The following ERCC8 variants were observed in gnomAD, a reference collection of about 807,000 sequenced individuals.
ERCC8 encodes ERCC excision repair 8, CSA ubiquitin ligase complex subunit.
Under a neutral mutation model 54.9 loss-of-function variants are expected in ERCC8, and 52 were observed. The ratio of observed to expected loss-of-function variants is 0.95; its 90% CI spans 0.76 to 1.19. ERCC8 has a LOEUF of 1.19. Ranked by LOEUF, ERCC8 falls within the 50% of genes most tolerant of loss-of-function variation. The pLI, the probability that ERCC8 is intolerant of heterozygous loss-of-function variation, is 0.00. For synonymous variants in ERCC8, 146 were observed against 157.2 expected (o/e 0.93, Z 0.53); for missense variants, 514 against 466.1 (o/e 1.10, Z -0.95).
At chr5:60,878,962 G>C (rs1288848219) in intron 11 of ERCC8, among the ~76,000 whole-genome samples, 1 of 151,996 alleles carries the variant, frequency 6.6e-6, no homozygotes, top group Non-Finnish European at 1.5e-5. Flanking sequence ...TGTGATGTTA[G>C]GGTGTCCATT....
chr5:60,931,729 T>A (rs1301192307), intron 1 of ERCC8, among the ~76,000 whole-genome samples: 3 of 152,202 alleles, frequency 2.0e-5, no homozygotes, highest in African/African-American at 7.2e-5. Flanking sequence ...TCTGAAAATA[T>A]TTTTCCATAT....
intron 4 of ERCC8, among the ~76,000 whole-genome samples, chr5:60,916,003 C>T (rs967215790): frequency 6.6e-6 from 1 of 152,008 alleles, no homozygotes; most frequent in African/African-American, 2.4e-5. Context: ...TTTCCTAGGC[C>T]CCCTTCTACT....
At chr5:60,884,834 AAAGGT>A (rs1468671220) in intron 11 of ERCC8, among the ~76,000 whole-genome samples, 1 of 152,124 alleles carries the variant, frequency 6.6e-6, no homozygotes, top group African/African-American at 2.4e-5. Context: ...TGACATTTTA[AAAGGT>A]AAGGTTTTAT....
intron 11 of ERCC8, 27 bp downstream of exon 11, chr5:60,887,413 T>G: frequency 6.6e-7 from 1 of 1,513,684 alleles, no homozygotes. Context: ...TAGAAGTCAC[T>G]GTACCATTTG....
intron 2 of ERCC8, among the ~76,000 whole-genome samples, chr5:60,923,457 C>A (rs539514331): frequency 2.6e-5 from 4 of 151,970 alleles, no homozygotes; most frequent in African/African-American, 9.6e-5. Context: ...ATCTTTAAAT[C>A]TGGAGTTGTT....
intron 11 of ERCC8, 80 bp downstream of exon 11, chr5:60,887,360 A>C: frequency 1.7e-6 from 2 of 1,202,220 alleles, no homozygotes; most frequent in Non-Finnish European, 2.5e-6. Flanking sequence ...ATGCTTTAAA[A>C]GTCTCTCTCA....
At chr5:60,884,475 C>CA (rs71606647) in intron 11 of ERCC8, among the ~76,000 whole-genome samples, 1,343 of 70,796 alleles carry the variant, frequency 0.019, 51 homozygotes, top group African/African-American at 0.065. Context: ...GACTCCTTCT[C>CA]AAAAAAAAAA....
intron 10 of ERCC8, among the ~76,000 whole-genome samples, chr5:60,890,471 C>T (rs538652236): frequency 2.6e-5 from 4 of 152,270 alleles, no homozygotes; most frequent in African/African-American, 9.6e-5. Flanking sequence ...AACTTCAAAA[C>T]CTCCCTTTAC....
intron 1 of ERCC8, among the ~76,000 whole-genome samples, chr5:60,936,368 C>T (rs1183433943): frequency 6.6e-6 from 1 of 152,026 alleles, no homozygotes. Context: ...GTAATATCTC[C>T]CATTTTGTTT....
chr5:60,928,106 C>T (rs747901558), intron 2 of ERCC8, among the ~76,000 whole-genome samples: 1 of 152,096 alleles, frequency 6.6e-6, no homozygotes, highest in Non-Finnish European at 1.5e-5. Flanking sequence ...CTATATGTGG[C>T]CTAATTGTAG....
intron 5 of ERCC8, among the ~76,000 whole-genome samples, chr5:60,904,160 TAA>T (rs1239917701): frequency 1.2e-4 from 18 of 152,108 alleles, no homozygotes; most frequent in African/African-American, 3.4e-4. Context: ...TTTTCCAAGT[TAA>T]TGATATACTT....
In ERCC8 at chr5:60,867,929, C is replaced by T. The variant is rs1747786994; in HGVS notation, c.*6686G>A. On this transcript the variant is annotated 3_prime_UTR_variant, in exon 12 of 12. Coordinates refer to ENST00000676185, the MANE Select transcript of ERCC8 (RefSeq NM_000082.4). ...GCCGCGGTGGCTCATGCCTGTAATC[C>T]CTGCACTTTGGGAGGTCAAGGCGGG... is the stretch of plus-strand genomic sequence containing the variant. 6.6e-6 allele frequency among the ~76,000 whole-genome samples: 1 copy of T among 152,154 alleles called. No homozygotes were observed. Among genetic ancestry groups the T allele is most frequent in the Admixed American group, 6.6e-5 (1 of 15,266 alleles).
At chr5:60,883,029 T>C (rs909701544) in intron 11 of ERCC8, among the ~76,000 whole-genome samples, 2 of 150,494 alleles carry the variant, frequency 1.3e-5, no homozygotes, top group Non-Finnish European at 3.0e-5. Flanking sequence ...ATAAGCCACA[T>C]GAGGGCCATG....
chr5:60,929,932 A>T (rs1749858728), intron 1 of ERCC8, among the ~76,000 whole-genome samples: 1 of 152,224 alleles, frequency 6.6e-6, no homozygotes, highest in South Asian at 2.1e-4. Context: ...TTAAATATCA[A>T]ATTATAAATT....
intron 11 of ERCC8, among the ~76,000 whole-genome samples, chr5:60,884,209 G>A (rs1465675633): frequency 2.0e-5 from 3 of 152,142 alleles, no homozygotes; most frequent in Admixed American, 1.3e-4. Flanking sequence ...GCTGAGGGTG[G>A]TGGCTCAAGC....
intron 3 of ERCC8, among the ~76,000 whole-genome samples, chr5:60,918,948 T>C (rs1480873434): frequency 6.6e-6 from 1 of 151,966 alleles, no homozygotes; most frequent in East Asian, 1.9e-4. Context: ...CTCTATGACG[T>C]CAGCTACAAT....
At chr5:60,938,071 A>T (rs1580051425) in intron 1 of ERCC8, among the ~76,000 whole-genome samples, 1 of 70,208 alleles carries the variant, frequency 1.4e-5, no homozygotes, top group Non-Finnish European at 2.5e-5. Context: ...ATATATATAT[A>T]TATATATATA....
At position 60,870,779 on chromosome 5, in the gene ERCC8, A is replaced by G. The variant is rs1384988632; in HGVS notation, c.*3836T>C. On this transcript the variant is annotated 3_prime_UTR_variant, in exon 12 of 12. Transcript: ENST00000676185. Reference sequence around the variant, plus strand: ...GCAACAATTAGACAAATATTAGAAGAAAATATACCTGAGCTGAGAAAAGGT... The same window carrying G: ...GCAACAATTAGACAAATATTAGAAGGAAATATACCTGAGCTGAGAAAAGGT... Among the ~76,000 whole-genome samples, 1 of 152,148 alleles carries G rather than the reference A, an allele frequency of 6.6e-6. No individual in the cohort carries two copies. The highest frequency in any genetic ancestry group is 1.5e-5 in the Non-Finnish European group (1 of 68,024).
intron 11 of ERCC8, 79 bp downstream of exon 11, chr5:60,887,361 G>A: frequency 4.1e-6 from 5 of 1,210,938 alleles, no homozygotes; most frequent in Non-Finnish European, 6.1e-6. Flanking sequence ...TGCTTTAAAA[G>A]TCTCTCTCAC....
Sources: allele counts gnomAD v4.1 joint callset (sites outside exome capture counted in the v4.1 genomes callset), GRCh38; gene constraint gnomAD v4.1.1; transcripts MANE v1.5; gene names NCBI Gene and HGNC (gene_info 2026-07-23, HGNC 2026-07-21).